Variants in KBTBD2 observed in about 807,000 individuals in gnomAD.
The protein encoded by KBTBD2 is kelch repeat and BTB domain-containing protein 2.
A neutral mutation model predicts 57.1 loss-of-function variants in KBTBD2; 17 were observed. The ratio of observed to expected loss-of-function variants is 0.30; its 90% CI spans 0.20 to 0.45. The LOEUF is 0.45. KBTBD2 is among the 20% of genes least tolerant of loss of function. The pLI is 1.00. For synonymous variants in KBTBD2, 267 were observed against 262.7 expected (o/e 1.02, Z -0.16); for missense variants, 515 against 750.6 (o/e 0.69, Z 3.67).
chr7:32,890,825 T>C (rs965876930), intron 1 of KBTBD2, among the ~76,000 whole-genome samples: 4 of 152,124 alleles, frequency 2.6e-5, no homozygotes, highest in East Asian at 1.9e-4. Flanking sequence ...AGTTCTTAGA[T>C]AGCTAAGCCC....
intron 2 of KBTBD2, among the ~76,000 whole-genome samples, chr7:32,875,575 G>C (rs750910129): frequency 6.6e-6 from 1 of 152,056 alleles, no homozygotes; most frequent in Non-Finnish European, 1.5e-5. Context: ...CCTAGCCAAT[G>C]AAATTTTTGA....
intron 2 of KBTBD2, among the ~76,000 whole-genome samples, chr7:32,877,164 G>A (rs1221934592): frequency 7.8e-6 from 1 of 128,840 alleles, no homozygotes. Context: ...GATTACAGGC[G>A]CCCGCCACTA....
At position 32,891,691 on chromosome 7, in the gene KBTBD2, C is replaced by T. The variant is rs1183633856; in HGVS notation, c.-494G>A. ...CGGCCGAGGAAGGCTGGCGCCGCCG[C>T]CTCTTCCTTCCGGTTTCCCCTCGCA... is the stretch of plus-strand genomic sequence containing the variant. On this transcript the variant is annotated 5_prime_UTR_variant, in exon 1 of 4. Transcript: ENST00000304056. 2.0e-5 allele frequency: 3 copies of T among 151,564 alleles called. No homozygotes were observed. The highest frequency in any genetic ancestry group is 6.6e-5 in the Admixed American group (1 of 15,222). The allele number at this position is 151,564 out of a possible 1,614,324, so 9.4% of individuals were successfully genotyped here. A position where few individuals can be genotyped will look rare whatever the true frequency, so the allele number is the denominator to read the frequency against.
chr7:32,885,735 T>C (rs1784563012), intron 1 of KBTBD2, among the ~76,000 whole-genome samples: 1 of 152,120 alleles, frequency 6.6e-6, no homozygotes, highest in Non-Finnish European at 1.5e-5. Context: ...AAATTCACAA[T>C]CTTAATAAAG....
chr7:32,889,277 C>CGAG (rs1784667137), intron 1 of KBTBD2, among the ~76,000 whole-genome samples: 1 of 149,610 alleles, frequency 6.7e-6, no homozygotes. Context: ...GGCGACACAG[C>CGAG]GAGACTCCGT....
At chr7:32,884,983 T>C (rs1438146231) in intron 1 of KBTBD2, among the ~76,000 whole-genome samples, 2 of 127,952 alleles carry the variant, frequency 1.6e-5, no homozygotes, top group East Asian at 2.2e-4. Flanking sequence ...TGTGTATATA[T>C]ATATATACAC....
At position 32,870,681 on chromosome 7, in the gene KBTBD2, T is replaced by C. The variant is rs774487579; in HGVS notation, c.536A>G (p.Asp179Gly). 7 of 1,613,786 alleles carry C rather than the reference T, an allele frequency of 4.3e-6. No individual in the cohort carries two copies. In the African/African-American group the frequency reaches 5.3e-5, roughly 12 times the overall value. ...FMQLSHDLLIDILSSDNLNVE... is the reference protein window; with the variant it reads ...FMQLSHDLLIGILSSDNLNVE... ...ATTTAAATTGTCACTACTGAGAATATCTATCAGTAGGTCATGTGACAGCTG... is the reference window on the plus strand; with the variant it reads ...ATTTAAATTGTCACTACTGAGAATACCTATCAGTAGGTCATGTGACAGCTG... The change falls in exon 4 of 4, where the codon GAT (aspartate) becomes GGT (glycine). Residue 179 changes from aspartate to glycine, a missense_variant. Transcript: ENST00000304056.
chr7:32,887,053 C>T (rs1784598336), intron 1 of KBTBD2, among the ~76,000 whole-genome samples: 1 of 152,112 alleles, frequency 6.6e-6, no homozygotes, highest in African/African-American at 2.4e-5. Context: ...CATCCTCCCA[C>T]TGAGTAGCCT....
chr7:32,869,334 G>C lies in KBTBD2; in HGVS notation c.*11C>G, dbSNP rs1164697273. The C allele has an allele frequency of 1.3e-6, 2 of 1,577,326 alleles. No homozygotes were observed. The highest frequency in any genetic ancestry group is 1.7e-6 in the Non-Finnish European group (2 of 1,158,218). ...CACATAACTCAGGCGTGCACTCCCTGAACTTCCCCACTATACAGGTGGTAG... is the reference window on the plus strand; with the variant it reads ...CACATAACTCAGGCGTGCACTCCCTCAACTTCCCCACTATACAGGTGGTAG... On this transcript the variant is annotated 3_prime_UTR_variant, in exon 4 of 4. Transcript: ENST00000304056.
intron 3 of KBTBD2, among the ~76,000 whole-genome samples, 174 bp from the exon 4 acceptor site, chr7:32,871,054 A>C (rs1216745645): frequency 6.6e-6 from 1 of 152,176 alleles, no homozygotes; most frequent in Non-Finnish European, 1.5e-5. Context: ...GAAGACTATA[A>C]AATTTTGCAG....
chr7:32,886,378 CAT>C (rs1784582178), intron 1 of KBTBD2, among the ~76,000 whole-genome samples: 1 of 152,158 alleles, frequency 6.6e-6, no homozygotes, highest in South Asian at 2.1e-4. Context: ...AATTCCAACA[CAT>C]AAAAGTTTTG....
At chr7:32,880,636 A>C (rs1784423645) in intron 1 of KBTBD2, among the ~76,000 whole-genome samples, 1 of 152,160 alleles carries the variant, frequency 6.6e-6, no homozygotes, top group South Asian at 2.1e-4. Flanking sequence ...CTCCGAATTA[A>C]TATGTAACTT....
At chr7:32,891,959 C>G (rs1053495724), upstream of KBTBD2, 1 of 139,756 alleles carries the variant, frequency 7.2e-6, no homozygotes, top group African/African-American at 2.6e-5. Flanking sequence ...CGCAATGGAC[C>G]GCTGGCCAGC....
chr7:32,870,296 C>T lies in KBTBD2; in HGVS notation c.921G>A (p.Lys307=). 6.2e-7 allele frequency: 1 copy of T among 1,614,152 alleles called. No individual in the cohort carries two copies. Among genetic ancestry groups the T allele is most frequent in the East Asian group, 2.2e-5 (1 of 44,876 alleles). ...TATCAGGAGTTACAACGGTCCCAAC[C>T]TTATGCAAATCAGCTGGTGGGCTAC... ...KLCSPPADLH[K]VGTVVTPDND... The change falls in exon 4 of 4, where the codon AAG becomes AAA. Residue 307 remains lysine (K), a synonymous_variant. Transcript: ENST00000304056.
chr7:32,870,992 T>C, intron 3 of KBTBD2, 112 bp from the exon 4 acceptor site: 2 of 633,926 alleles, frequency 3.2e-6, no homozygotes, highest in Non-Finnish European at 5.3e-6. Context: ...ATTTTTATTT[T>C]CAGATACACA....
intron 2 of KBTBD2, among the ~76,000 whole-genome samples, chr7:32,876,123 A>G (rs749202354): frequency 2.6e-5 from 4 of 152,218 alleles, no homozygotes; most frequent in Admixed American, 1.3e-4. Context: ...TATACAGGAA[A>G]TCATGATGGA....
At chr7:32,874,394 C>T (rs746662075) in intron 3 of KBTBD2, 16 of 150,410 alleles carry the variant, frequency 1.1e-4, no homozygotes, top group South Asian at 2.1e-4. Context: ...AATGATACTC[C>T]GTCTCAAAAA....
intron 2 of KBTBD2, 78 bp from the exon 3 acceptor site, chr7:32,875,235 A>C (rs1784283289): frequency 7.9e-7 from 1 of 1,265,226 alleles, no homozygotes; most frequent in Admixed American, 2.0e-5. Context: ...ACAATTAGAC[A>C]ATAAGAGGTG....
rs772803695 is a variant in KBTBD2 at position 32,868,639 on chromosome 7, C to G, written c.*706G>C. On this transcript the variant is annotated 3_prime_UTR_variant, in exon 4 of 4. Transcript: ENST00000304056. ...TTCTGATTAAAGCTCCACGCAGACC[C>G]GCACAATGAGTGGCTGGCAATTCTT... 6.6e-6 allele frequency: 1 copy of G among 152,564 alleles called. No homozygotes were observed. Among genetic ancestry groups the G allele is most frequent in the East Asian group, 1.9e-4 (1 of 5,206 alleles). The allele number at this position is 152,564 out of a possible 1,614,324, so 9.5% of individuals were successfully genotyped here.
Sources: gnomAD v4.1 joint callset for allele counts (sites outside exome capture counted in the v4.1 genomes callset) on GRCh38, gnomAD v4.1.1 for gene constraint, MANE v1.5 for transcripts, NCBI Gene and HGNC (gene_info 2026-07-23, HGNC 2026-07-21) for gene names.